Variants in ADGRD1 observed in about 807,000 individuals in gnomAD.
The protein encoded by ADGRD1 is adhesion G protein-coupled receptor D1.
In ADGRD1, 77 loss-of-function variants were observed where a neutral mutation model predicts 113.4. The ratio of observed to expected loss-of-function variants is 0.68; its 90% confidence interval spans 0.57 to 0.82. The LOEUF (loss-of-function observed/expected upper bound fraction) is 0.82, where lower values mean the gene tolerates loss of function less well. Ranked by LOEUF, ADGRD1 falls within the 40% of genes least tolerant of loss-of-function variation. ADGRD1 has a pLI of 0.00. For missense variants in ADGRD1, 1,036 were observed against 1,139.1 expected, an observed-to-expected ratio of 0.91 and a Z score of 1.30; for synonymous variants, 474 against 475.0, an observed-to-expected ratio of 1.00 and a Z score of 0.03.
Position 131,136,274 on chromosome 12 carries a change from C to T in ADGRD1, c.2394+111C>T, listed in dbSNP as rs889077153. ...GGGAGGCCTGCCCTCCCGGCCACAC[C>T]TTAGGAGCCTGTAATGCGGGGCATC... On this transcript the variant is annotated intron_variant, in intron 22 of 24. Coordinates refer to ENST00000261654, the MANE Select transcript of ADGRD1 (RefSeq NM_198827.5). The T allele has an allele frequency of 1.4e-5, 19 of 1,317,964 alleles. No homozygotes were observed. The South Asian group carries it at 2.3e-4, about 16-fold the overall frequency. 81.6% of individuals were successfully genotyped at this position (1,317,964 alleles called of 1,614,324 possible).
intron 13 of ADGRD1, among the ~76,000 whole-genome samples, chr12:131,032,058 A>G (rs934851771): frequency 2.6e-5 from 4 of 152,126 alleles, no homozygotes; most frequent in African/African-American, 9.7e-5. Flanking sequence ...AGGGGGTGAC[A>G]TTGCTTTCCA....
At position 131,084,503 on chromosome 12, in the gene ADGRD1, G is replaced by C; in HGVS notation, c.1548-37G>C. 6.2e-7 allele frequency: 1 copy of C among 1,613,256 alleles called. No homozygotes were observed. Among genetic ancestry groups the C allele is most frequent in the Non-Finnish European group, 8.5e-7 (1 of 1,179,746 alleles). On this transcript the variant is annotated intron_variant, in intron 14 of 24. Coordinates refer to ENST00000261654, the MANE Select transcript of ADGRD1 (RefSeq NM_198827.5). This position sits in a 1 kb window ranked among gnomAD's most constrained non-coding sequence, Gnocchi z 4.5. ...CAGTCCCCTGCCTGCCAAGGGTGCG[G>C]TGCTACCTCCTCTGATCCTTTCTCC...
At chr12:131,038,667 A>G (rs993943313) in intron 13 of ADGRD1, among the ~76,000 whole-genome samples, 2 of 152,160 alleles carry the variant, frequency 1.3e-5, no homozygotes, top group Non-Finnish European at 2.9e-5. Context: ...GGCAGAGGTG[A>G]TGGAGGGGCA....
intron 13 of ADGRD1, among the ~76,000 whole-genome samples, chr12:131,052,532 C>T (rs931922080): frequency 6.6e-6 from 1 of 152,210 alleles, no homozygotes; most frequent in African/African-American, 2.4e-5. Context: ...AGGTCTGCAA[C>T]CAGGCATCTG....
At chr12:131,119,058 G>A (rs57808746) in intron 19 of ADGRD1, among the ~76,000 whole-genome samples, 10,552 of 152,228 alleles carry the variant, frequency 0.069, 1,211 homozygotes, top group African/African-American at 0.24. Flanking sequence ...AGCTGTTCAC[G>A]TTCCAGAAAG....
intron 13 of ADGRD1, among the ~76,000 whole-genome samples, chr12:131,054,208 G>A (rs1367785454): frequency 6.6e-6 from 1 of 152,208 alleles, no homozygotes; most frequent in East Asian, 1.9e-4. Flanking sequence ...CCATCACCAT[G>A]GTGAAGACGA....
intron 13 of ADGRD1, chr12:131,070,596 G>C (rs962958630): frequency 3.7e-6 from 1 of 268,738 alleles, no homozygotes; most frequent in Admixed American, 4.3e-5. Context: ...GCGGGGACTC[G>C]GTGCGGGAGA....
At chr12:131,132,213 A>T (rs1266175412) in intron 21 of ADGRD1, among the ~76,000 whole-genome samples, 1 of 152,110 alleles carries the variant, frequency 6.6e-6, no homozygotes, top group Non-Finnish European at 1.5e-5. Context: ...CGCCTTCCTC[A>T]CGTGCAGAAC....
chr12:131,035,536 C>T (rs1190887798), intron 13 of ADGRD1: 3 of 152,272 alleles, frequency 2.0e-5, no homozygotes, highest in Admixed American at 6.5e-5. Flanking sequence ...AGACTGCAGT[C>T]TGCACCTTCA....
intron 13 of ADGRD1, among the ~76,000 whole-genome samples, chr12:131,062,249 T>C (rs564829072): frequency 6.6e-6 from 1 of 152,322 alleles, no homozygotes; most frequent in East Asian, 1.9e-4. Context: ...TGCCTTGGCC[T>C]CCCAAAGTGC....
intron 2 of ADGRD1, among the ~76,000 whole-genome samples, chr12:130,955,660 G>A (rs1477785315): frequency 6.6e-6 from 1 of 152,212 alleles, no homozygotes; most frequent in Non-Finnish European, 1.5e-5. Flanking sequence ...ACCCCTGCTG[G>A]GAAGCCTGTT....
chr12:131,038,655 G>A (rs1449043892), intron 13 of ADGRD1, among the ~76,000 whole-genome samples: 1 of 152,228 alleles, frequency 6.6e-6, no homozygotes, highest in East Asian at 1.9e-4. Context: ...CTCATGGCTG[G>A]AGGCAGAGGT....
intron 13 of ADGRD1, among the ~76,000 whole-genome samples, chr12:131,047,130 T>G (rs1882922415): frequency 6.6e-6 from 1 of 152,220 alleles, no homozygotes; most frequent in South Asian, 2.1e-4. Flanking sequence ...GTGGCCTCCC[T>G]GGTCAGTGTC....
Position 130,966,398 on chromosome 12 carries a change from G to A in ADGRD1, c.104-65G>A. Reference sequence around the variant, plus strand: ...TCCCCCATAATGTGTGTGCTAAGCGGTTCTTACCCTCTGGTTCTTTCCTCT... The same window carrying A: ...TCCCCCATAATGTGTGTGCTAAGCGATTCTTACCCTCTGGTTCTTTCCTCT... On this transcript the variant is annotated intron_variant, in intron 2 of 24. Transcript: ENST00000261654. The surrounding 1 kb of genome is among the most constrained non-coding windows in gnomAD (Gnocchi z 4.6). 1 of 1,019,344 alleles carries A rather than the reference G, an allele frequency of 9.8e-7. No individual in the cohort carries two copies. The highest frequency in any genetic ancestry group is 1.7e-5 in the Admixed American group (1 of 58,964). The allele number at this position is 1,019,344 out of a possible 1,614,324, so 63.1% of individuals were successfully genotyped here.
At chr12:131,076,769 T>G (rs1415889836) in intron 13 of ADGRD1, 32 bp from the exon 14 acceptor site, 2 of 1,598,746 alleles carry the variant, frequency 1.3e-6, no homozygotes, top group Non-Finnish European at 1.7e-6. Flanking sequence ...TTCAGCAGCG[T>G]CATGCATCGT....
intron 13 of ADGRD1, among the ~76,000 whole-genome samples, chr12:131,051,486 C>CTTTGT (rs139359592): frequency 0.06 from 8,762 of 146,930 alleles, 373 homozygotes; most frequent in African/African-American, 0.08. Flanking sequence ...TCTTTCTTTT[C>CTTTGT]TTTTTTTTTT....
At chr12:130,973,300 A>G (rs1344525701) in intron 4 of ADGRD1, 1 of 152,256 alleles carries the variant, frequency 6.6e-6, no homozygotes, top group Non-Finnish European at 1.5e-5. Flanking sequence ...ATCTTGGGCA[A>G]CCACTGCTTC....
intron 12 of ADGRD1, among the ~76,000 whole-genome samples, chr12:131,006,633 T>A (rs560497795): frequency 7.4e-6 from 1 of 134,832 alleles, no homozygotes; most frequent in South Asian, 2.3e-4. Flanking sequence ...GTTTGGGTCC[T>A]GAGAACCCAG....
intron 7 of ADGRD1, among the ~76,000 whole-genome samples, chr12:130,991,342 C>T (rs117010968): frequency 6.6e-6 from 1 of 152,182 alleles, no homozygotes; most frequent in African/African-American, 2.4e-5. Context: ...GGGACGTGGG[C>T]GCCGTGAGTG....
Sources: gnomAD v4.1 joint callset for allele counts (sites outside exome capture counted in the v4.1 genomes callset) on GRCh38, gnomAD v4.1.1 for gene constraint, Gnocchi (gnomAD v3.1) non-coding constraint, MANE v1.5 for transcripts, NCBI Gene and HGNC (gene_info 2026-07-23, HGNC 2026-07-21) for gene names.